The following SHTN1 variants were observed in gnomAD, a reference collection of about 807,000 sequenced individuals.
SHTN1 encodes the protein shootin 1.
In SHTN1, 42 loss-of-function variants were observed where a neutral mutation model predicts 83.1. The ratio of observed to expected loss-of-function variants is 0.51; its 90% CI spans 0.39 to 0.65. The LOEUF is 0.65. Among genes scored for constraint, SHTN1 ranks in the 30% least tolerant of loss-of-function variants. The pLI is 0.00. For missense variants in SHTN1, 622 were observed against 737.8 expected, an observed-to-expected ratio of 0.84 and a Z score of 1.82; for synonymous variants, 224 against 247.7, an observed-to-expected ratio of 0.90 and a Z score of 0.90.
chr10:116,981,928 G>T (rs986612310), intron 1 of SHTN1, among the ~76,000 whole-genome samples: 1 of 152,058 alleles, frequency 6.6e-6, no homozygotes. Context: ...GCGTGGTAGC[G>T]CGCACCTGTA....
At chr10:116,981,361 T>C (rs761734729) in intron 1 of SHTN1, among the ~76,000 whole-genome samples, 4 of 152,128 alleles carry the variant, frequency 2.6e-5, no homozygotes, top group South Asian at 2.1e-4. Flanking sequence ...AGAAAAAGAT[T>C]TGACTGACCT....
At chr10:116,904,010 A>G (rs1847859465) in intron 15 of SHTN1, among the ~76,000 whole-genome samples, 1 of 152,184 alleles carries the variant, frequency 6.6e-6, no homozygotes, top group African/African-American at 2.4e-5. Context: ...CCTAAGAAAA[A>G]TCCTAAGGAA....
At chr10:116,898,478 T>G (rs1232577784) in intron 16 of SHTN1, among the ~76,000 whole-genome samples, 1 of 152,184 alleles carries the variant, frequency 6.6e-6, no homozygotes, top group Non-Finnish European at 1.5e-5. Context: ...AAAAGAGGTT[T>G]GCACTTAATG....
At position 117,027,362 on chromosome 10, in the gene SHTN1, G is replaced by A. The variant is rs566972600; in HGVS notation, c.-123+21083C>T. ...CTTGCTCCTGCTGTGGCCACAGGAAGTGCCAGCTTCTCCTCCACTGCCCAC... is the reference window on the plus strand; with the variant it reads ...CTTGCTCCTGCTGTGGCCACAGGAAATGCCAGCTTCTCCTCCACTGCCCAC... On this transcript the variant is annotated intron_variant, in intron 2 of 17. Coordinates refer to the SHTN1 transcript ENST00000392901. 8.7e-4 allele frequency among the ~76,000 whole-genome samples: 133 copies of A among 152,282 alleles called. 1 individual carries two copies. The highest frequency in any genetic ancestry group is 1.6e-3 in the Non-Finnish European group (107 of 68,020).
upstream of SHTN1, among the ~76,000 whole-genome samples, chr10:117,007,381 C>T (rs1190253801): frequency 8.6e-5 from 13 of 151,404 alleles, no homozygotes; most frequent in Admixed American, 7.9e-4. Context: ...GATAGTATTT[C>T]TGGAGTTTAA....
chr10:117,039,366 G>A (rs1420674298), intron 2 of SHTN1, among the ~76,000 whole-genome samples: 1 of 152,136 alleles, frequency 6.6e-6, no homozygotes, highest in African/African-American at 2.4e-5. Context: ...AGGATTTTTA[G>A]GGCAGGGACT....
chr10:117,094,220 T>C (rs1853474920), intron 1 of SHTN1, among the ~76,000 whole-genome samples: 1 of 152,258 alleles, frequency 6.6e-6, no homozygotes, highest in Non-Finnish European at 1.5e-5. Flanking sequence ...AGTATTTGTC[T>C]TGACTTATTT....
intron 1 of SHTN1, among the ~76,000 whole-genome samples, chr10:117,105,328 T>C (rs1853656573): frequency 6.6e-6 from 1 of 152,212 alleles, no homozygotes; most frequent in African/African-American, 2.4e-5. Context: ...TGCTATATAA[T>C]AATTATATCC....
chr10:117,069,679 T>C (rs573498212), intron 1 of SHTN1, among the ~76,000 whole-genome samples: 2 of 152,324 alleles, frequency 1.3e-5, no homozygotes, highest in South Asian at 2.1e-4. Flanking sequence ...CCACTCTGCT[T>C]GTTTCCTCTC....
At chr10:116,953,618 G>GTTTT (rs1413652753) in intron 5 of SHTN1, among the ~76,000 whole-genome samples, 38 of 81,990 alleles carry the variant, frequency 4.6e-4, no homozygotes, top group African/African-American at 9.6e-4. Context: ...TCAGTTTTGT[G>GTTTT]TTTTGTTTTT....
intron 9 of SHTN1, among the ~76,000 whole-genome samples, chr10:116,931,148 A>AC (rs1222566354): frequency 1.3e-5 from 2 of 151,808 alleles, no homozygotes; most frequent in Non-Finnish European, 2.9e-5. Context: ...AAAAAAAAAA[A>AC]AAGGAAAGGC....
intron 2 of SHTN1, among the ~76,000 whole-genome samples, chr10:117,026,365 C>G (rs995231330): frequency 6.6e-6 from 1 of 150,896 alleles, no homozygotes; most frequent in Non-Finnish European, 1.5e-5. Flanking sequence ...GGGAAGGACT[C>G]AGTCTTGTGA....
chr10:116,967,885 A>C (rs972990464), intron 3 of SHTN1, among the ~76,000 whole-genome samples: 45 of 152,184 alleles, frequency 3.0e-4, no homozygotes, highest in Non-Finnish European at 5.9e-5. Context: ...TATGGACAAC[A>C]TTAAAACTGA....
chr10:117,061,088 T>C (rs1852892185), intron 1 of SHTN1, among the ~76,000 whole-genome samples: 1 of 152,030 alleles, frequency 6.6e-6, no homozygotes, highest in Non-Finnish European at 1.5e-5. Context: ...ACCATTATTA[T>C]GCATAGTTAA....
At chr10:116,920,717 C>G (rs1375945179) in intron 12 of SHTN1, among the ~76,000 whole-genome samples, 1 of 152,124 alleles carries the variant, frequency 6.6e-6, no homozygotes, top group Non-Finnish European at 1.5e-5. Context: ...CTGGCTCCTG[C>G]CTACCTATTA....
chr10:116,904,220 C>CA (rs1195858401), intron 15 of SHTN1, among the ~76,000 whole-genome samples: 3 of 152,232 alleles, frequency 2.0e-5, no homozygotes, highest in African/African-American at 7.2e-5. Flanking sequence ...TCCAACTCCT[C>CA]ACCTCTGTCA....
intron 1 of SHTN1, among the ~76,000 whole-genome samples, chr10:116,997,314 T>G (rs1323654918): frequency 1.3e-5 from 2 of 152,244 alleles, no homozygotes; most frequent in African/African-American, 4.8e-5. Flanking sequence ...GTTGAGCCAC[T>G]GCTTATTTTT....
intron 2 of SHTN1, among the ~76,000 whole-genome samples, chr10:117,020,756 A>G (rs1181084714): frequency 6.6e-6 from 1 of 152,152 alleles, no homozygotes; most frequent in East Asian, 1.9e-4. Flanking sequence ...TGAGGGAAGC[A>G]AAAGTTTCTT....
upstream of SHTN1, among the ~76,000 whole-genome samples, chr10:117,009,346 A>C (rs1005144080): frequency 4.6e-5 from 7 of 152,300 alleles, no homozygotes; most frequent in African/African-American, 1.7e-4. Flanking sequence ...AAGATGGCTT[A>C]AACTCTCCAA....
Sources: allele counts gnomAD v4.1 joint callset (sites outside exome capture counted in the v4.1 genomes callset), GRCh38; gene constraint gnomAD v4.1.1; transcripts MANE v1.5; gene names NCBI Gene and HGNC (gene_info 2026-07-23, HGNC 2026-07-21).